IRS1: variants seen among roughly 807,000 people sequenced by gnomAD.
IRS1 encodes the protein insulin receptor substrate 1.
IRS1 carries 34 observed loss-of-function variants against 65.6 expected under a neutral mutation model. The ratio of observed to expected loss-of-function variants is 0.52; its 90% CI spans 0.39 to 0.69. IRS1 has a LOEUF of 0.69. IRS1 is among the 30% of genes least tolerant of loss of function. The pLI is 0.00. For missense variants in IRS1, 1,641 were observed against 1,720.2 expected, an observed-to-expected ratio of 0.95 and a Z score of 0.81; for synonymous variants, 699 against 683.5, an observed-to-expected ratio of 1.02 and a Z score of -0.35.
chr2:226,738,924 G>T (rs900594004), intron 1 of IRS1, among the ~76,000 whole-genome samples: 1 of 152,160 alleles, frequency 6.6e-6, no homozygotes, highest in African/African-American at 2.4e-5. Flanking sequence ...TCCAGAAGGG[G>T]TGGGTAAACA....
intron 1 of IRS1, among the ~76,000 whole-genome samples, chr2:226,751,336 T>A (rs934037988): frequency 5.2e-5 from 7 of 134,062 alleles, no homozygotes; most frequent in Non-Finnish European, 7.6e-5. Context: ...CAGGCTGGAG[T>A]GCAGTGGCGC....
chr2:226,798,051 C>G lies in IRS1; in HGVS notation c.688G>C (p.Val230Leu). The change falls in exon 1 of 2, where the codon GTG (valine) becomes CTG (leucine). Residue 230 changes from valine to leucine, a missense_variant. Val to Leu is a conservative substitution (Grantham distance 32, BLOSUM62 1). Coordinates refer to ENST00000305123, the MANE Select transcript of IRS1 (RefSeq NM_005544.3). This position sits in a 1 kb window ranked among gnomAD's most constrained non-coding sequence, Gnocchi z 9.4. Reference protein sequence around the residue: ...FFFIEVGRSAVTGPGEFWMQV... With the variant: ...FFFIEVGRSALTGPGEFWMQV... Reference sequence around the variant, plus strand: ...ATCCAGAACTCCCCGGGCCCCGTCACGGCAGAACGGCCCACCTCGATGAAG... The same window carrying G: ...ATCCAGAACTCCCCGGGCCCCGTCAGGGCAGAACGGCCCACCTCGATGAAG... 4.3e-6 allele frequency: 7 copies of G among 1,614,106 alleles called. No individual in the cohort carries two copies. Among genetic ancestry groups the G allele is most frequent in the Non-Finnish European group, 5.9e-6 (7 of 1,180,020 alleles).
At chr2:226,756,855 G>A (rs887100445) in intron 1 of IRS1, among the ~76,000 whole-genome samples, 4 of 151,960 alleles carry the variant, frequency 2.6e-5, no homozygotes, top group African/African-American at 9.7e-5. Flanking sequence ...CCAGCTACTC[G>A]GGAGGCTGAG....
chr2:226,770,808 T>C (rs1460829948), intron 1 of IRS1, among the ~76,000 whole-genome samples: 1 of 152,226 alleles, frequency 6.6e-6, no homozygotes, highest in Non-Finnish European at 1.5e-5. Context: ...ACCAAGTTAC[T>C]TACACTGTAT....
intron 1 of IRS1, among the ~76,000 whole-genome samples, chr2:226,740,498 T>C (rs1341488725): frequency 6.6e-6 from 1 of 152,216 alleles, no homozygotes; most frequent in East Asian, 1.9e-4. Flanking sequence ...ATAAAGACTT[T>C]GCTTCCTTTT....
chr2:226,761,450 C>T (rs1938913084), intron 1 of IRS1, among the ~76,000 whole-genome samples: 1 of 152,088 alleles, frequency 6.6e-6, no homozygotes, highest in African/African-American at 2.4e-5. Context: ...ATACCAACTT[C>T]CAAGAGCTCT....
In IRS1 at chr2:226,795,333, C is replaced by T. The variant is rs200142054; in HGVS notation, c.3406G>A (p.Glu1136Lys). The change falls in exon 1 of 2, where the codon GAG becomes AAG. Residue 1136 changes from glutamate to lysine, a missense_variant. Transcript: ENST00000305123. ...GCAGAGCTGTGGCGTTTCACATCCTCGCTGCTGCTGCTGCTACCGCCACCG... is the reference window on the plus strand; with the variant it reads ...GCAGAGCTGTGGCGTTTCACATCCTTGCTGCTGCTGCTGCTACCGCCACCG... ...GGGGGSSSSS[E>K]DVKRHSSASF... The T allele has an allele frequency of 1.9e-4, 310 of 1,613,394 alleles. 1 individual carries two copies. In the African/African-American group the frequency reaches 2.1e-3, roughly 11 times the overall value.
chr2:226,748,359 G>A (rs1055407445), intron 1 of IRS1, among the ~76,000 whole-genome samples: 1 of 150,032 alleles, frequency 6.7e-6, no homozygotes, highest in Non-Finnish European at 1.5e-5. Flanking sequence ...AACCCAGGAG[G>A]TGGAGGTTGC....
chr2:226,789,570 C>T (rs1015170638), intron 1 of IRS1, among the ~76,000 whole-genome samples: 1 of 152,210 alleles, frequency 6.6e-6, no homozygotes, highest in Admixed American at 6.5e-5. Flanking sequence ...GGCTGTCTCA[C>T]TGAAGAACAC....
At position 226,733,483 on chromosome 2, in the gene IRS1, T is replaced by C. The variant is rs1938267826; in HGVS notation, c.*2789A>G. On this transcript the variant is annotated 3_prime_UTR_variant, in exon 2 of 2. Transcript: ENST00000305123. ...GCCATTCTTTTGCCCAGAATGAAGA[T>C]ATCATCAAAGTCATAAAACATATTT... The C allele has an allele frequency of 6.6e-6, 1 of 152,226 alleles. No homozygotes were observed. Among genetic ancestry groups the C allele is most frequent in the African/African-American group, 2.4e-5 (1 of 41,454 alleles). 9.4% of individuals were successfully genotyped at this position (152,226 alleles called of 1,614,324 possible).
At chr2:226,785,588 G>A (rs1288499896) in intron 1 of IRS1, among the ~76,000 whole-genome samples, 1 of 152,136 alleles carries the variant, frequency 6.6e-6, no homozygotes, top group Non-Finnish European at 1.5e-5. Flanking sequence ...GGGTGACAGA[G>A]TGAGACTCCG....
intron 1 of IRS1, among the ~76,000 whole-genome samples, chr2:226,772,983 C>T (rs1209816839): frequency 6.6e-6 from 1 of 152,192 alleles, no homozygotes; most frequent in African/African-American, 2.4e-5. Flanking sequence ...ACTGGTCACA[C>T]TCTAAATGCA....
At chr2:226,760,037 G>A (rs1938884288) in intron 1 of IRS1, among the ~76,000 whole-genome samples, 1 of 152,160 alleles carries the variant, frequency 6.6e-6, no homozygotes, top group African/African-American at 2.4e-5. Flanking sequence ...ACAGCCATGT[G>A]TGGTGGCGCA....
At position 226,734,944 on chromosome 2, in the gene IRS1, AG is replaced by A. The variant is rs1938298305; in HGVS notation, c.*1327del. Reference sequence around the variant, plus strand: ...ATCACTAATAGGCCAGCACCCACCAAGGCAAATGGGCCAATTACATTCAGTT... The same window carrying A: ...ATCACTAATAGGCCAGCACCCACCAAGCAAATGGGCCAATTACATTCAGTT... On this transcript the variant is annotated 3_prime_UTR_variant, in exon 2 of 2. Coordinates refer to ENST00000305123, the MANE Select transcript of IRS1 (RefSeq NM_005544.3). 6.6e-6 allele frequency: 1 copy of A among 152,214 alleles called. No homozygotes were observed. Among genetic ancestry groups the A allele is most frequent in the South Asian group, 2.1e-4 (1 of 4,828 alleles). 9.4% of individuals were successfully genotyped at this position (152,214 alleles called of 1,614,324 possible). A position where few individuals can be genotyped will look rare whatever the true frequency, so the allele number is the denominator to read the frequency against.
intron 1 of IRS1, among the ~76,000 whole-genome samples, chr2:226,792,770 C>G (rs1238350138): frequency 6.6e-6 from 1 of 152,152 alleles, no homozygotes; most frequent in Non-Finnish European, 1.5e-5. Context: ...TGTTTGCACA[C>G]ACATTCGGAG....
At chr2:226,762,267 T>C (rs1938930599) in intron 1 of IRS1, among the ~76,000 whole-genome samples, 1 of 151,952 alleles carries the variant, frequency 6.6e-6, no homozygotes, top group Admixed American at 6.6e-5. Context: ...GAAGTTATCA[T>C]TGATATCTTA....
intron 1 of IRS1, among the ~76,000 whole-genome samples, chr2:226,788,810 A>C (rs1939535825): frequency 6.6e-6 from 1 of 152,226 alleles, no homozygotes; most frequent in Non-Finnish European, 1.5e-5. Flanking sequence ...ATTCAATATG[A>C]TTACACTTTC....
At chr2:226,768,722 C>T (rs1939104145) in intron 1 of IRS1, among the ~76,000 whole-genome samples, 1 of 152,150 alleles carries the variant, frequency 6.6e-6, no homozygotes, top group Admixed American at 6.5e-5. Flanking sequence ...CTGCAACCCC[C>T]ACCTCCTGGG....
At position 226,784,755 on chromosome 2, in the gene IRS1, C is replaced by G. The variant is rs116463032; in HGVS notation, c.*21+10234G>C. Among the ~76,000 whole-genome samples the G allele has an allele frequency of 6.0e-3, 918 of 152,296 alleles. 7 individuals carry two copies. The highest frequency in any genetic ancestry group is 0.018 in the African/African-American group (748 of 41,564). On this transcript the variant is annotated intron_variant, in intron 1 of 1. Transcript: ENST00000305123. ...CAAATGTTATCTGTTACCACATTCTCGAAAGTTTCTATTTTGTAGCAAGAG... is the reference window on the plus strand; with the variant it reads ...CAAATGTTATCTGTTACCACATTCTGGAAAGTTTCTATTTTGTAGCAAGAG...
Sources: allele counts gnomAD v4.1 joint callset (sites outside exome capture counted in the v4.1 genomes callset), GRCh38; gene constraint gnomAD v4.1.1; non-coding constraint Gnocchi (gnomAD v3.1); transcripts MANE v1.5; gene names NCBI Gene and HGNC (gene_info 2026-07-23, HGNC 2026-07-21).